The following ERBB4 variants were observed in gnomAD, a reference collection of about 807,000 sequenced individuals.
ERBB4 encodes the protein receptor tyrosine-protein kinase erbB-4.
ERBB4 carries 42 observed loss-of-function variants against 158.0 expected under a neutral mutation model. The ratio of observed to expected loss-of-function variants is 0.27; its 90% confidence interval spans 0.21 to 0.34. The LOEUF (loss-of-function observed/expected upper bound fraction) is 0.34. Among genes scored for constraint, ERBB4 ranks in the 10% least tolerant of loss-of-function variants. The pLI is 1.00. For synonymous variants in ERBB4, 583 were observed against 558.7 expected (o/e 1.04, Z -0.61); for missense variants, 1,333 against 1,624.1 (o/e 0.82, Z 3.08).
intron 20 of ERBB4, among the ~76,000 whole-genome samples, chr2:211,440,231 T>C (rs538021304): frequency 6.6e-6 from 1 of 152,280 alleles, no homozygotes; most frequent in South Asian, 2.1e-4. Flanking sequence ...GCGAATCATG[T>C]AGTGTCCGAA....
intron 1 of ERBB4, among the ~76,000 whole-genome samples, chr2:212,442,202 C>T (rs1256950963): frequency 1.3e-5 from 2 of 152,020 alleles, no homozygotes; most frequent in Non-Finnish European, 2.9e-5. Flanking sequence ...TGCATTCCTA[C>T]TTAATTTATA....
chr2:212,014,095 T>C (rs1292802442), intron 2 of ERBB4, among the ~76,000 whole-genome samples: 1 of 152,308 alleles, frequency 6.6e-6, no homozygotes, highest in East Asian at 1.9e-4. Context: ...GAAAAACCTC[T>C]CTTGACTCAA....
At chr2:212,490,190 T>C (rs1339195476) in intron 1 of ERBB4, among the ~76,000 whole-genome samples, 1 of 151,878 alleles carries the variant, frequency 6.6e-6, no homozygotes, top group East Asian at 1.9e-4. Context: ...TCTATCTCTA[T>C]TTCACACGCA....
At chr2:211,640,835 T>C (rs2070554004) in intron 16 of ERBB4, among the ~76,000 whole-genome samples, 1 of 152,086 alleles carries the variant, frequency 6.6e-6, no homozygotes, top group South Asian at 2.1e-4. Context: ...GCAGCAAAAC[T>C]GATAAAAAGT....
In ERBB4 at chr2:212,237,786, G is replaced by A. The variant is rs536767270; in HGVS notation, c.83-112883C>T. Among the ~76,000 whole-genome samples, 11 of 152,336 alleles carry A rather than the reference G, an allele frequency of 7.2e-5. No homozygotes were observed. In the East Asian group the frequency reaches 2.1e-3, roughly 29 times the overall value. The stretch of plus-strand genomic sequence containing the variant: ...CAGAGATGTCCTGCCCAGAGAGGAG[G>A]AATCTAGAGAGGCAGCCTGGCTACA... On this transcript the variant is annotated intron_variant, in intron 1 of 27. Transcript: ENST00000342788.
intron 20 of ERBB4, among the ~76,000 whole-genome samples, chr2:211,505,814 G>A (rs1344067655): frequency 2.0e-5 from 3 of 151,938 alleles, no homozygotes; most frequent in Non-Finnish European, 2.9e-5. Flanking sequence ...CAAAAAATTA[G>A]CTAGGCGTGG....
rs146140593 is a variant in ERBB4, at chr2:211,690,729, C to T, written c.1489+11238G>A. ...AGAGAAAAGAAATTTTCGATCAGCACCAAGAATTCAACAGCCCTCTGACTT... is the reference window on the plus strand; with the variant it reads ...AGAGAAAAGAAATTTTCGATCAGCATCAAGAATTCAACAGCCCTCTGACTT... On this transcript the variant is annotated intron_variant, in intron 12 of 27. Transcript: ENST00000342788. Among the ~76,000 whole-genome samples the T allele has an allele frequency of 1.0e-3, 159 of 152,180 alleles. 2 individuals are homozygous for T. Among genetic ancestry groups the T allele is most frequent in the African/African-American group, 3.8e-3 (156 of 41,530 alleles).
chr2:211,698,254 G>A lies in ERBB4; in HGVS notation c.1489+3713C>T, dbSNP rs188618178. 6.5e-3 allele frequency among the ~76,000 whole-genome samples: 987 copies of A among 150,832 alleles called. 8 individuals are homozygous for A. Among genetic ancestry groups the A allele is most frequent in the African/African-American group, 0.023 (937 of 40,974 alleles). On this transcript the variant is annotated intron_variant, in intron 12 of 27. Coordinates refer to ENST00000342788, the MANE Select transcript of ERBB4 (RefSeq NM_005235.3). ...TTGAACCAGGGAGGCAGAGGTTGTC[G>A]TGGGCCAAGATCGTGCCATTGCACT...
intron 2 of ERBB4, among the ~76,000 whole-genome samples, chr2:212,015,112 A>AT (rs1559321342): frequency 3.5e-5 from 3 of 84,806 alleles, no homozygotes; most frequent in East Asian, 2.6e-4. Context: ...ATATATATAT[A>AT]AAAATTAGCC....
chr2:211,714,041 A>G (rs947678500), intron 7 of ERBB4, among the ~76,000 whole-genome samples: 10 of 152,236 alleles, frequency 6.6e-5, no homozygotes, highest in Non-Finnish European at 1.0e-4. Context: ...CTTAAGTTGA[A>G]CTGCCTTGGA....
rs1559292834 is a variant in ERBB4, at chr2:212,003,178, A to G, written c.235-55562T>C. Among the ~76,000 whole-genome samples the G allele has an allele frequency of 4.9e-3, 249 of 50,548 alleles. 11 individuals carry two copies. The highest frequency in any genetic ancestry group is 0.012 in the Non-Finnish European group (207 of 17,764). The allele number at this position is 50,548 out of a possible 152,430, so 33.2% of individuals were successfully genotyped here. On this transcript the variant is annotated intron_variant, in intron 2 of 27. Coordinates refer to ENST00000342788, the MANE Select transcript of ERBB4 (RefSeq NM_005235.3). The stretch of plus-strand genomic sequence containing the variant: ...GAAAGAAAGAAAGAAAGAAAGAAAG[A>G]AAGAAAGAAAGAAAGAAAGAAAGAA...
intron 3 of ERBB4, among the ~76,000 whole-genome samples, chr2:211,934,256 ATATTT>A (rs1455319834): frequency 1.3e-5 from 2 of 151,966 alleles, no homozygotes; most frequent in African/African-American, 4.8e-5. Flanking sequence ...GAAGTCATAA[ATATTT>A]TATTTAAAAT....
chr2:212,468,880 A>C (rs1053613487), intron 1 of ERBB4, among the ~76,000 whole-genome samples: 7 of 152,234 alleles, frequency 4.6e-5, no homozygotes, highest in Non-Finnish European at 1.0e-4. Context: ...GTTATCTGCC[A>C]CATTACCAAT....
chr2:211,538,134 A>G (rs2066706067), intron 20 of ERBB4, among the ~76,000 whole-genome samples: 1 of 151,892 alleles, frequency 6.6e-6, no homozygotes, highest in African/African-American at 2.4e-5. Flanking sequence ...TATTCTTTGA[A>G]ACATAATCAG....
At chr2:211,680,904 A>G (rs566144024) in intron 12 of ERBB4, among the ~76,000 whole-genome samples, 62 of 152,308 alleles carry the variant, frequency 4.1e-4, no homozygotes, top group African/African-American at 1.4e-3. Flanking sequence ...TACATAAAGT[A>G]TACCATTTGA....
intron 1 of ERBB4, among the ~76,000 whole-genome samples, chr2:212,255,230 G>A (rs1216114341): frequency 6.6e-6 from 1 of 152,080 alleles, no homozygotes; most frequent in Non-Finnish European, 1.5e-5. Flanking sequence ...CAATGACTAT[G>A]CACTATAGCA....
chr2:212,148,120 C>A (rs986302606), intron 1 of ERBB4, among the ~76,000 whole-genome samples: 5 of 150,766 alleles, frequency 3.3e-5, no homozygotes, highest in African/African-American at 1.2e-4. Flanking sequence ...CACCAGGGGG[C>A]AGCACAATTC....
intron 19 of ERBB4, among the ~76,000 whole-genome samples, chr2:211,573,094 T>C (rs944432187): frequency 2.0e-5 from 3 of 152,190 alleles, no homozygotes; most frequent in African/African-American, 4.8e-5. Context: ...CCTTGATTAT[T>C]CAGGTAGGTT....
chr2:212,313,438 T>C (rs1430124768), intron 1 of ERBB4, among the ~76,000 whole-genome samples: 1 of 150,904 alleles, frequency 6.6e-6, no homozygotes, highest in Non-Finnish European at 1.5e-5. Flanking sequence ...ATGCCAAGTG[T>C]ACAACTAATT....
Sources: gnomAD v4.1 joint callset for allele counts (sites outside exome capture counted in the v4.1 genomes callset) on GRCh38, gnomAD v4.1.1 for gene constraint, MANE v1.5 for transcripts, NCBI Gene and HGNC (gene_info 2026-07-23, HGNC 2026-07-21) for gene names.